Variants in KIRREL3 observed in about 807,000 individuals in gnomAD.
The protein encoded by KIRREL3 is kirre like nephrin family adhesion molecule 3.
KIRREL3 carries 36 observed loss-of-function variants against 89.7 expected under a neutral mutation model. The ratio of observed to expected loss-of-function variants is 0.40; its 90% CI spans 0.31 to 0.53. The LOEUF is 0.53. Ranked by LOEUF, KIRREL3 falls within the 20% of genes least tolerant of loss-of-function variation. The pLI is 0.49. For synonymous variants in KIRREL3, 445 were observed against 441.4 expected, an observed-to-expected ratio of 1.01 and a Z score of -0.10; for missense variants, 864 against 1,056.6, an observed-to-expected ratio of 0.82 and a Z score of 2.53.
chr11:126,863,454 T>C, intron 1 of KIRREL3, among the ~76,000 whole-genome samples: 1 of 54,902 alleles, frequency 1.8e-5, no homozygotes, highest in African/African-American at 7.7e-5. Flanking sequence ...AGTGTGTGTG[T>C]TTGAGTGCGT....
At chr11:126,787,534 T>C (rs899238425) in intron 1 of KIRREL3, among the ~76,000 whole-genome samples, 1 of 152,180 alleles carries the variant, frequency 6.6e-6, no homozygotes, top group African/African-American at 2.4e-5. Context: ...CATCTTCTTT[T>C]CATGTTTTTC....
chr11:126,990,770 T>C lies in KIRREL3; in HGVS notation c.55+9685A>G, dbSNP rs1950013820. Among the ~76,000 whole-genome samples the C allele has an allele frequency of 6.6e-6, 1 of 152,242 alleles. No homozygotes were observed. The highest frequency in any genetic ancestry group is 2.4e-5 in the African/African-American group (1 of 41,468). On this transcript the variant is annotated intron_variant, in intron 1 of 16. Coordinates refer to ENST00000525144, the MANE Select transcript of KIRREL3 (RefSeq NM_032531.4). The surrounding 1 kb of genome is among the most constrained non-coding windows in gnomAD (Gnocchi z 6.3). ...ATGTGGGGTGGACCCCAGCGTCCTCTAGCAAGACGCAGAAAAAGTGCAGGT... is the reference window on the plus strand; with the variant it reads ...ATGTGGGGTGGACCCCAGCGTCCTCCAGCAAGACGCAGAAAAAGTGCAGGT...
At chr11:126,509,991 CAAAA>C (rs58061522) in intron 4 of KIRREL3, among the ~76,000 whole-genome samples, 33 of 62,054 alleles carry the variant, frequency 5.3e-4, no homozygotes, top group African/African-American at 2.0e-3. Context: ...GACTCCGTCT[CAAAA>C]AAAAAAAAAA....
Position 126,710,384 on chromosome 11 carries a change from AGTTCAGCGTG to A in KIRREL3, c.56-147482_56-147473del, listed in dbSNP as rs1947710377. ...TTGAGCCCTCTCCTCTTCCTGTTGA[AGTTCAGCGTG>A]GTTCTGGAAGTACCTGAGTGGGAAG... is the stretch of plus-strand genomic sequence containing the variant. On this transcript the variant is annotated intron_variant, in intron 1 of 16. Transcript: ENST00000525144. The surrounding 1 kb of genome is among the most constrained non-coding windows in gnomAD (Gnocchi z 4.2). Among the ~76,000 whole-genome samples the A allele has an allele frequency of 6.6e-6, 1 of 152,192 alleles. No individual in the cohort carries two copies. The highest frequency in any genetic ancestry group is 1.5e-5 in the Non-Finnish European group (1 of 68,036).
chr11:126,963,095 C>A (rs541926452), intron 1 of KIRREL3, among the ~76,000 whole-genome samples: 3 of 152,212 alleles, frequency 2.0e-5, no homozygotes, highest in African/African-American at 4.8e-5. Context: ...AATCTGGAAC[C>A]AAACTTGCAA....
At position 126,817,074 on chromosome 11, in the gene KIRREL3, AG is replaced by A. The variant is rs1951598077; in HGVS notation, c.55+183380del. 6.6e-6 allele frequency among the ~76,000 whole-genome samples: 1 copy of A among 152,210 alleles called. No homozygotes were observed. Among genetic ancestry groups the A allele is most frequent in the South Asian group, 2.1e-4 (1 of 4,824 alleles). ...AGCATGTACTTGTAGGCTTGCAGGG[AG>A]AAAAATAACAAATGAGGAAAGCCAA... On this transcript the variant is annotated intron_variant, in intron 1 of 16. Coordinates refer to ENST00000525144, the MANE Select transcript of KIRREL3 (RefSeq NM_032531.4). This position sits in a 1 kb window ranked among gnomAD's most constrained non-coding sequence, Gnocchi z 5.7.
chr11:126,693,723 T>G (rs1946974851), intron 1 of KIRREL3, among the ~76,000 whole-genome samples: 1 of 152,204 alleles, frequency 6.6e-6, no homozygotes, highest in Non-Finnish European at 1.5e-5. Context: ...CCTTCTACAT[T>G]AATGTAAATT....
intron 1 of KIRREL3, among the ~76,000 whole-genome samples, chr11:126,598,078 G>T (rs756939890): frequency 2.0e-5 from 3 of 152,242 alleles, no homozygotes; most frequent in African/African-American, 7.2e-5. Flanking sequence ...TAATGAGCAG[G>T]CGCAAGAATA....
rs1461936060 is a variant in KIRREL3 at position 126,430,877 on chromosome 11, T to G, written c.1696+542A>C. ...AATCTCTCACACGTTATCTCCTCGG[T>G]GCACGCAATTCTTCAAGCGTGCACA... is the stretch of plus-strand genomic sequence containing the variant. On this transcript the variant is annotated intron_variant, in intron 14 of 16. Coordinates refer to ENST00000525144, the MANE Select transcript of KIRREL3 (RefSeq NM_032531.4). This position sits in a 1 kb window ranked among gnomAD's most constrained non-coding sequence, Gnocchi z 6.6. 2 of 650,258 alleles carry G rather than the reference T, an allele frequency of 3.1e-6. No homozygotes were observed. The highest frequency in any genetic ancestry group is 3.8e-6 in the Non-Finnish European group (2 of 520,054). The allele number at this position is 650,258 out of a possible 1,614,324, so 40.3% of individuals were successfully genotyped here. A position where few individuals can be genotyped will look rare whatever the true frequency, so the allele number is the denominator to read the frequency against.
In KIRREL3 at chr11:126,604,131, T is replaced by C. The variant is rs533036622; in HGVS notation, c.56-41219A>G. 1.5e-3 allele frequency among the ~76,000 whole-genome samples: 228 copies of C among 152,328 alleles called. 1 individual carries two copies. Among genetic ancestry groups the C allele is most frequent in the Non-Finnish European group, 1.7e-3 (118 of 68,026 alleles). On this transcript the variant is annotated intron_variant, in intron 1 of 16. Transcript: ENST00000525144. ...TGATAATCCTTCACATGAGGCCCGA[T>C]GCTAGGCTGTGGAAATCAAAGATGA...
At position 126,490,207 on chromosome 11, in the gene KIRREL3, T is replaced by A. The variant is rs769106574; in HGVS notation, c.434-16741A>T. Among the ~76,000 whole-genome samples the A allele has an allele frequency of 1.6e-3, 62 of 38,006 alleles. No individual in the cohort carries two copies. The highest frequency in any genetic ancestry group is 4.2e-3 in the Non-Finnish European group (46 of 11,040). 24.9% of individuals were successfully genotyped at this position (38,006 alleles called of 152,430 possible). A position where few individuals can be genotyped will look rare whatever the true frequency, so the allele number is the denominator to read the frequency against. Reference sequence around the variant, plus strand: ...ATTTGGCTTTGGAATGCATTGTGTGTGTGTGTGTGTGTGTGTGTGTGTGGC... The same window carrying A: ...ATTTGGCTTTGGAATGCATTGTGTGAGTGTGTGTGTGTGTGTGTGTGTGGC... On this transcript the variant is annotated intron_variant, in intron 4 of 16. Transcript: ENST00000525144. The surrounding 1 kb of genome is among the most constrained non-coding windows in gnomAD (Gnocchi z 4.2).
chr11:126,521,202 G>T lies in KIRREL3; in HGVS notation c.433+113C>A. On this transcript the variant is annotated intron_variant, in intron 4 of 16. Coordinates refer to ENST00000525144, the MANE Select transcript of KIRREL3 (RefSeq NM_032531.4). The surrounding 1 kb of genome is among the most constrained non-coding windows in gnomAD (Gnocchi z 4.1). Reference sequence around the variant, plus strand: ...GAAGCAGCAGTGTCTGGAGCCCTGTGGGATGATCCCCAGAGGGGAGTCTCC... The same window carrying T: ...GAAGCAGCAGTGTCTGGAGCCCTGTTGGATGATCCCCAGAGGGGAGTCTCC... 1 of 1,162,112 alleles carries T rather than the reference G, an allele frequency of 8.6e-7. No individual in the cohort carries two copies. The highest frequency in any genetic ancestry group is 1.2e-6 in the Non-Finnish European group (1 of 866,162). The allele number at this position is 1,162,112 out of a possible 1,614,324, so 72.0% of individuals were successfully genotyped here. A position where few individuals can be genotyped will look rare whatever the true frequency, so the allele number is the denominator to read the frequency against.
At chr11:126,947,045 A>C (rs1784331) in intron 1 of KIRREL3, among the ~76,000 whole-genome samples, 136,189 of 152,042 alleles carry the variant, frequency 0.9, 61,155 homozygotes, top group Middle Eastern at 0.96. Context: ...TCATGCCTAC[A>C]TCAGCTTGGT....
chr11:126,450,213 G>T (rs1955983743), intron 7 of KIRREL3, among the ~76,000 whole-genome samples: 1 of 152,236 alleles, frequency 6.6e-6, no homozygotes, highest in African/African-American at 2.4e-5. Context: ...GTGAATGTGT[G>T]CATGTATGTG....
At position 126,622,397 on chromosome 11, in the gene KIRREL3, T is replaced by C. The variant is rs1943609066; in HGVS notation, c.56-59485A>G. Among the ~76,000 whole-genome samples the C allele has an allele frequency of 6.6e-6, 1 of 152,184 alleles. No homozygotes were observed. Among genetic ancestry groups the C allele is most frequent in the Non-Finnish European group, 1.5e-5 (1 of 68,014 alleles). ...GTCTGGAGGGAGGAGAGGAGTCGGTTCTGGCTTGTGAGCCATGGTGCTACT... is the reference window on the plus strand; with the variant it reads ...GTCTGGAGGGAGGAGAGGAGTCGGTCCTGGCTTGTGAGCCATGGTGCTACT... On this transcript the variant is annotated intron_variant, in intron 1 of 16. Transcript: ENST00000525144. This position sits in a 1 kb window ranked among gnomAD's most constrained non-coding sequence, Gnocchi z 5.2.
chr11:126,730,601 C>T (rs1240936609), intron 1 of KIRREL3, among the ~76,000 whole-genome samples: 2 of 152,244 alleles, frequency 1.3e-5, no homozygotes, highest in Non-Finnish European at 2.9e-5. Context: ...GTGGTTGCTA[C>T]TAGCATCAAG....
chr11:126,946,711 T>C lies in KIRREL3; in HGVS notation c.55+53744A>G, dbSNP rs747311114. On this transcript the variant is annotated intron_variant, in intron 1 of 16. Coordinates refer to ENST00000525144, the MANE Select transcript of KIRREL3 (RefSeq NM_032531.4). The surrounding 1 kb of genome is among the most constrained non-coding windows in gnomAD (Gnocchi z 4.1). The stretch of plus-strand genomic sequence containing the variant: ...AATGCTTGGATATCCTAATAACAGG[T>C]GTAATAATAATCACTACTCTTATTA... Among the ~76,000 whole-genome samples the C allele has an allele frequency of 6.6e-6, 1 of 152,206 alleles. No individual in the cohort carries two copies. Among genetic ancestry groups the C allele is most frequent in the East Asian group, 1.9e-4 (1 of 5,200 alleles).
At chr11:126,468,406 C>T (rs1227799808) in intron 5 of KIRREL3, among the ~76,000 whole-genome samples, 2 of 152,252 alleles carry the variant, frequency 1.3e-5, no homozygotes, top group Non-Finnish European at 1.5e-5. Context: ...CCCAAGGCCC[C>T]ATCCGGCAGT....
intron 1 of KIRREL3, among the ~76,000 whole-genome samples, chr11:126,831,041 T>G (rs1446952510): frequency 5.3e-5 from 8 of 152,214 alleles, no homozygotes; most frequent in African/African-American, 1.9e-4. Flanking sequence ...AGATTGGGGT[T>G]GAAGCCTGGC....
Sources: gnomAD v4.1 joint callset for allele counts (sites outside exome capture counted in the v4.1 genomes callset) on GRCh38, gnomAD v4.1.1 for gene constraint, Gnocchi (gnomAD v3.1) non-coding constraint, MANE v1.5 for transcripts, NCBI Gene and HGNC (gene_info 2026-07-23, HGNC 2026-07-21) for gene names.